Variants in ANKRD17 observed in about 807,000 individuals in gnomAD.
The protein encoded by ANKRD17 is ankyrin repeat domain-containing protein 17.
In ANKRD17, 19 loss-of-function variants were observed where a neutral mutation model predicts 229.7. The ratio of observed to expected loss-of-function variants is 0.08; its 90% CI spans 0.06 to 0.12. The LOEUF is 0.12. ANKRD17 is among the 10% of genes least tolerant of loss of function. The probability of loss-of-function intolerance (pLI) is 1.00; values close to 1 mark genes in which losing one functional copy is unlikely to be tolerated. For synonymous variants in ANKRD17, 1,112 were observed against 1,146.1 expected, an observed-to-expected ratio of 0.97 and a Z score of 0.60; for missense variants, 2,176 against 3,176.8, an observed-to-expected ratio of 0.68 and a Z score of 7.57.
At chr4:73,246,995 T>G (rs1257038460) in intron 1 of ANKRD17, among the ~76,000 whole-genome samples, 1 of 152,068 alleles carries the variant, frequency 6.6e-6, no homozygotes, top group Non-Finnish European at 1.5e-5. Flanking sequence ...AACAATAAAT[T>G]TTTCCATGTT....
intron 30 of ANKRD17, among the ~76,000 whole-genome samples, chr4:73,083,848 T>A (rs1721816342): frequency 6.6e-6 from 1 of 151,970 alleles, no homozygotes; most frequent in Admixed American, 6.6e-5. Flanking sequence ...CTAAAATAAT[T>A]ATAACTCTTT....
In ANKRD17 at chr4:73,154,085, A is replaced by G. The variant is rs758941403; in HGVS notation, c.1029T>C (p.Ala343=). Residue 343 remains alanine, a synonymous_variant, in exon 6 of 34, where the codon GCT becomes GCC. Transcript: ENST00000358602. The stretch of plus-strand genomic sequence containing the variant: ...CCTTTACAACATCTACATAGCCTCC[A>G]GCACAAGCATATGTAAGTGCTGTAT... ...TGNTALTYAC[A]GGYVDVVKVL... 1.2e-6 allele frequency: 2 copies of G among 1,606,416 alleles called. No individual in the cohort carries two copies. The highest frequency in any genetic ancestry group is 1.7e-5 in the Admixed American group (1 of 58,084).
At chr4:73,176,278 CTT>C (rs1414262813) in intron 2 of ANKRD17, among the ~76,000 whole-genome samples, 2 of 152,080 alleles carry the variant, frequency 1.3e-5, no homozygotes, top group Non-Finnish European at 2.9e-5. Context: ...GTTAAAATGA[CTT>C]ATCCAAAAGA....
intron 1 of ANKRD17, among the ~76,000 whole-genome samples, chr4:73,258,040 C>G (rs2149298385): frequency 7.3e-6 from 1 of 136,330 alleles, no homozygotes; most frequent in South Asian, 2.4e-4. Flanking sequence ...CCCATGATAA[C>G]AGGCTGTTCA....
chr4:73,217,070 G>A (rs539263984), intron 1 of ANKRD17, among the ~76,000 whole-genome samples: 4 of 152,150 alleles, frequency 2.6e-5, no homozygotes, highest in Non-Finnish European at 2.9e-5. Context: ...AACCAGTAAA[G>A]GGCCAATGTT....
chr4:73,140,409 A>T, intron 14 of ANKRD17, 126 bp from the exon 15 acceptor site: 1 of 926,696 alleles, frequency 1.1e-6, no homozygotes, highest in Non-Finnish European at 1.5e-6. Flanking sequence ...GTGAAAATGC[A>T]CTGTTAAAAA....
At chr4:73,197,145 T>G (rs1001063542) in intron 1 of ANKRD17, among the ~76,000 whole-genome samples, 5 of 152,104 alleles carry the variant, frequency 3.3e-5, no homozygotes, top group Non-Finnish European at 5.9e-5. Context: ...ATCTTGTGGG[T>G]GCACTCCCCA....
chr4:73,142,276 G>C lies in ANKRD17; in HGVS notation c.2195C>G (p.Thr732Ser). ...ATCGTGGGATGGGGGAGTTAACTGA[G>C]TGACATCTGGTGGAGGGGCTGAAAG... ...NLLSAPPPDVTQLTPPSHDLN... is the reference protein window; with the variant it reads ...NLLSAPPPDVSQLTPPSHDLN... The change falls in exon 13 of 34, where the codon ACT becomes AGT. Residue 732 changes from threonine (T) to serine (S), a missense_variant. By Grantham distance (58) the Thr-to-Ser change is moderately conservative (BLOSUM62 1). Around this residue, in one of 18 missense-constraint regions of ANKRD17, gnomAD observed 275 missense variants for 386.9 expected, o/e 0.71. Transcript: ENST00000358602. 3 of 1,555,434 alleles carry C rather than the reference G, an allele frequency of 1.9e-6. No individual in the cohort carries two copies. Among genetic ancestry groups the C allele is most frequent in the Non-Finnish European group, 2.6e-6 (3 of 1,163,584 alleles).
At chr4:73,226,775 G>A (rs186399004) in intron 1 of ANKRD17, among the ~76,000 whole-genome samples, 49 of 152,086 alleles carry the variant, frequency 3.2e-4, no homozygotes, top group African/African-American at 1.1e-3. Flanking sequence ...ATGCAGTGGC[G>A]CAATCTCGGC....
At chr4:73,106,553 T>C (rs1200537681) in intron 24 of ANKRD17, among the ~76,000 whole-genome samples, 2 of 152,080 alleles carry the variant, frequency 1.3e-5, no homozygotes, top group South Asian at 2.1e-4. Flanking sequence ...TGAGGGTTTC[T>C]GAGGAGAAAG....
intron 1 of ANKRD17, among the ~76,000 whole-genome samples, chr4:73,209,897 G>T (rs1420440357): frequency 6.6e-6 from 1 of 152,006 alleles, no homozygotes; most frequent in Non-Finnish European, 1.5e-5. Context: ...AATACCCTTT[G>T]ATGATAAAAA....
chr4:73,206,706 T>C (rs1393127109), intron 1 of ANKRD17, among the ~76,000 whole-genome samples: 1 of 152,150 alleles, frequency 6.6e-6, no homozygotes, highest in African/African-American at 2.4e-5. Flanking sequence ...CAGAAAGATG[T>C]TGGTCAAAGG....
chr4:73,102,340 T>A, intron 25 of ANKRD17, 36 bp downstream of exon 25: 1 of 1,556,670 alleles, frequency 6.4e-7, no homozygotes, highest in Admixed American at 2.2e-5. Flanking sequence ...TTAACTAGAA[T>A]ATAAAACAAA....
chr4:73,210,201 A>G (rs890297330), intron 1 of ANKRD17, among the ~76,000 whole-genome samples: 1 of 152,138 alleles, frequency 6.6e-6, no homozygotes, highest in Non-Finnish European at 1.5e-5. Flanking sequence ...AGAAAATCCT[A>G]AGATCTACCA....
chr4:73,111,921 T>C (rs937210511), intron 24 of ANKRD17, among the ~76,000 whole-genome samples: 1 of 152,188 alleles, frequency 6.6e-6, no homozygotes, highest in South Asian at 2.1e-4. Flanking sequence ...GTATTTTGAA[T>C]GAATACAATA....
At chr4:73,161,525 ATCT>A (rs1732525418) in intron 2 of ANKRD17, among the ~76,000 whole-genome samples, 177 bp from the exon 3 acceptor site, 2 of 152,222 alleles carry the variant, frequency 1.3e-5, no homozygotes, top group Non-Finnish European at 2.9e-5. Context: ...TTTTCTAATA[ATCT>A]TATTCATTCC....
In ANKRD17 at chr4:73,255,244, AT is replaced by A. The variant is rs569794821; in HGVS notation, c.393+3031del. ...TGTTCAACAATTAAATGAAGCTCTT[AT>A]TTGAATTGATTCTCGTTTCCTTCCA... is the stretch of plus-strand genomic sequence containing the variant. On this transcript the variant is annotated intron_variant, in intron 1 of 33. Coordinates refer to ENST00000358602, the MANE Select transcript of ANKRD17 (RefSeq NM_032217.5). Among the ~76,000 whole-genome samples the A allele has an allele frequency of 1.8e-3, 276 of 152,348 alleles. 1 individual carries two copies. The highest frequency in any genetic ancestry group is 3.3e-3 in the Non-Finnish European group (222 of 68,016).
chr4:73,203,599 T>C (rs1738976159), intron 1 of ANKRD17, among the ~76,000 whole-genome samples: 1 of 150,824 alleles, frequency 6.6e-6, no homozygotes. Context: ...CTACTAAAAA[T>C]ACGAAAAAAT....
chr4:73,180,662 G>A (rs1163912657), intron 1 of ANKRD17, among the ~76,000 whole-genome samples: 1 of 152,126 alleles, frequency 6.6e-6, no homozygotes, highest in East Asian at 1.9e-4. Flanking sequence ...AGAAAAGAGA[G>A]GGGCTATCAA....
Sources: allele counts gnomAD v4.1 joint callset (sites outside exome capture counted in the v4.1 genomes callset), GRCh38; gene constraint gnomAD v4.1.1; regional missense constraint gnomAD v4.1.1; transcripts MANE v1.5; gene names NCBI Gene and HGNC (gene_info 2026-07-23, HGNC 2026-07-21).